The following SMAD4 variants were observed in gnomAD, a reference collection of about 807,000 sequenced individuals.
SMAD4 encodes MAD homolog 4.
SMAD4 carries 7 observed loss-of-function variants against 63.2 expected under a neutral mutation model. The ratio of observed to expected loss-of-function variants is 0.11; its 90% CI spans 0.06 to 0.21. The LOEUF (loss-of-function observed/expected upper bound fraction) is 0.21. Among genes scored for constraint, SMAD4 ranks in the 10% least tolerant of loss-of-function variants. The pLI is 1.00. For synonymous variants in SMAD4, 215 were observed against 235.4 expected (o/e 0.91, Z 0.79); for missense variants, 312 against 693.8 (o/e 0.45, Z 6.18).
In SMAD4 at chr18:51,030,547, G is replaced by C. The variant is rs1364144299; in HGVS notation, c.-204G>C. 6.0e-5 allele frequency: 9 copies of C among 150,454 alleles called. No individual in the cohort carries two copies. The highest frequency in any genetic ancestry group is 1.3e-4 in the Non-Finnish European group (9 of 67,478). 9.3% of individuals were successfully genotyped at this position (150,454 alleles called of 1,614,324 possible). On this transcript the variant is annotated 5_prime_UTR_variant, in exon 1 of 12. Coordinates refer to ENST00000342988, the MANE Select transcript of SMAD4 (RefSeq NM_005359.6). ...GCCGAGGAGCTCTCCGGGCCGCCGGGGAAAGCTACGGGCCCGGTGCGTCCG... is the reference window on the plus strand; with the variant it reads ...GCCGAGGAGCTCTCCGGGCCGCCGGCGAAAGCTACGGGCCCGGTGCGTCCG...
rs1057523970 is a variant in SMAD4 at position 51,054,812 on chromosome 18, T to C, written c.486T>C (p.Tyr162=). ...CAAGTATGATGGTGAAGGATGAATA[T>C]GTGCATGACTTTGAGGGACAGCCAT... ...APSSMMVKDE[Y]VHDFEGQPSL... is the part of the protein sequence containing the mutation. The change falls in exon 5 of 12, where the codon TAT becomes TAC. Residue 162 remains tyrosine (Y), a synonymous_variant. Transcript: ENST00000342988. 6.2e-7 allele frequency: 1 copy of C among 1,613,704 alleles called. No homozygotes were observed. Among genetic ancestry groups the C allele is most frequent in the Non-Finnish European group, 8.5e-7 (1 of 1,179,574 alleles).
chr18:51,062,848 C>CTTAT (rs1366376175), intron 8 of SMAD4, among the ~76,000 whole-genome samples: 70 of 83,596 alleles, frequency 8.4e-4, no homozygotes, highest in African/African-American at 3.0e-3. Context: ...TCTGGCTTTA[C>CTTAT]TTGTTTTTTT....
At chr18:51,051,287 A>T (rs1295151995) in intron 4 of SMAD4, 1 of 449,104 alleles carries the variant, frequency 2.2e-6, no homozygotes, top group Non-Finnish European at 4.5e-6. Flanking sequence ...GTAGGGCTGT[A>T]TTCAGCCTTG....
At chr18:51,038,225 C>A (rs141247594) in intron 1 of SMAD4, among the ~76,000 whole-genome samples, 2 of 142,698 alleles carry the variant, frequency 1.4e-5, no homozygotes, top group Non-Finnish European at 3.0e-5. Context: ...CCACTGCACT[C>A]GGGCCTAGGC....
chr18:51,061,412 A>G (rs529431258), intron 8 of SMAD4, among the ~76,000 whole-genome samples: 1 of 152,050 alleles, frequency 6.6e-6, no homozygotes, highest in African/African-American at 2.4e-5. Flanking sequence ...TATGGGTTCA[A>G]TTGTTTTGAT....
At chr18:51,043,894 C>T (rs1034555189) in intron 1 of SMAD4, among the ~76,000 whole-genome samples, 2 of 152,148 alleles carry the variant, frequency 1.3e-5, no homozygotes, top group African/African-American at 4.8e-5. Context: ...GACAATTCCA[C>T]AGAATAAAAA....
Position 51,047,242 on chromosome 18 carries a change from G to A in SMAD4, c.196G>A (p.Ala66Thr), listed in dbSNP as rs1599181207. The A allele has an allele frequency of 6.2e-7, 1 of 1,613,772 alleles. No homozygotes were observed. Among genetic ancestry groups the A allele is most frequent in the South Asian group, 1.1e-5 (1 of 91,078 alleles). The change falls in exon 2 of 12, where the codon GCT (alanine) becomes ACT (threonine). Residue 66 changes from alanine (A) to threonine (T), a missense_variant. By Grantham distance (58) the Ala-to-Thr change is moderately conservative. Around this residue, in one of 4 missense-constraint regions of SMAD4, gnomAD observed 37 missense variants for 87.3 expected, o/e 0.42. Coordinates refer to ENST00000342988, the MANE Select transcript of SMAD4 (RefSeq NM_005359.6). The stretch of plus-strand genomic sequence containing the variant: ...AATAACAGCTATAACTACAAATGGA[G>A]CTCATCCTAGTAAATGTGTTACCAT... ...SLITAITTNGAHPSKCVTIQR... is the reference protein window; with the variant it reads ...SLITAITTNGTHPSKCVTIQR...
chr18:51,065,658 T>G (rs1387285599), intron 9 of SMAD4, 52 bp downstream of exon 9: 1 of 1,426,936 alleles, frequency 7.0e-7, no homozygotes, highest in Admixed American at 1.8e-5. Context: ...CATAGTACAT[T>G]GTCTTTTATT....
chr18:51,039,922 A>G (rs1909323900), intron 1 of SMAD4, among the ~76,000 whole-genome samples: 2 of 152,148 alleles, frequency 1.3e-5, no homozygotes, highest in South Asian at 2.1e-4. Flanking sequence ...TTATTGCTGT[A>G]TAAATGTGCT....
chr18:51,073,372 TATATATATATATATATACACAC>T (rs1363017705), intron 10 of SMAD4, among the ~76,000 whole-genome samples: 1 of 78,704 alleles, frequency 1.3e-5, no homozygotes, highest in Non-Finnish European at 2.6e-5. Context: ...TATATATATA[TATATATATATATATATACACAC>T]ACACACACAC....
intron 8 of SMAD4, among the ~76,000 whole-genome samples, chr18:51,061,152 C>T (rs1261192623): frequency 1.3e-5 from 2 of 152,066 alleles, no homozygotes; most frequent in Non-Finnish European, 2.9e-5. Context: ...GCATATAATG[C>T]ATGATAATCA....
At chr18:51,067,242 A>C in intron 10 of SMAD4, 55 bp downstream of exon 10, 1 of 993,232 alleles carries the variant, frequency 1.0e-6, no homozygotes, top group Admixed American at 1.8e-5. Context: ...TTGTTGTCAA[A>C]AGAATTGAAA....
intron 10 of SMAD4, among the ~76,000 whole-genome samples, chr18:51,074,966 T>C (rs1910434513): frequency 6.6e-6 from 1 of 152,190 alleles, no homozygotes; most frequent in Admixed American, 6.5e-5. Context: ...CACCTGGGCC[T>C]CCCAAAGTGC....
chr18:51,078,708 T>A lies in SMAD4; in HGVS notation c.*241T>A. On this transcript the variant is annotated 3_prime_UTR_variant, in exon 12 of 12. Coordinates refer to ENST00000342988, the MANE Select transcript of SMAD4 (RefSeq NM_005359.6). ...GAAGATTAGGAGAAACACATTCTTA[T>A]TAATTCTTCACCTGTTATGTATGAA... 1 of 509,574 alleles carries A rather than the reference T, an allele frequency of 2.0e-6. No individual in the cohort carries two copies. Among genetic ancestry groups the A allele is most frequent in the Non-Finnish European group, 3.5e-6 (1 of 285,990 alleles). The allele number at this position is 509,574 out of a possible 1,614,324, so 31.6% of individuals were successfully genotyped here.
At chr18:51,050,078 C>A (rs1420296923) in intron 4 of SMAD4, among the ~76,000 whole-genome samples, 1 of 152,178 alleles carries the variant, frequency 6.6e-6, no homozygotes, top group East Asian at 1.9e-4. Context: ...CCACTGTCAG[C>A]CAGGCACGGT....
chr18:51,041,134 T>G (rs963207751), intron 1 of SMAD4, among the ~76,000 whole-genome samples: 1 of 152,050 alleles, frequency 6.6e-6, no homozygotes, highest in Non-Finnish European at 1.5e-5. Context: ...TCCTAACTGG[T>G]TTTCTATTTC....
rs863224400 is a variant in SMAD4 at position 51,065,526 on chromosome 18, C to T, written c.1059C>T (p.Tyr353=). 6 of 1,613,992 alleles carry T rather than the reference C, an allele frequency of 3.7e-6. No individual in the cohort carries two copies. Among genetic ancestry groups the T allele is most frequent in the Admixed American group, 3.3e-5 (2 of 60,008 alleles). The change falls in exon 9 of 12, where the codon TAC becomes TAT. Residue 353 remains tyrosine (Y), a synonymous_variant. Transcript: ENST00000342988. ...GCCCTATTGTTACTGTTGATGGATACGTGGACCCTTCTGGAGGAGATCGCT... is the reference window on the plus strand; with the variant it reads ...GCCCTATTGTTACTGTTGATGGATATGTGGACCCTTCTGGAGGAGATCGCT... The part of the protein sequence containing the change: ...SSCPIVTVDG[Y]VDPSGGDRFC...
chr18:51,049,472 A>G lies in SMAD4; in HGVS notation c.454+148A>G, dbSNP rs558726006. On this transcript the variant is annotated intron_variant, in intron 4 of 11. Transcript: ENST00000342988. ...CTTTGGAAATGTAGATTTTGAGGTTAGGGGCATTTAAAACTGGATTTAAAA... is the reference window on the plus strand; with the variant it reads ...CTTTGGAAATGTAGATTTTGAGGTTGGGGGCATTTAAAACTGGATTTAAAA... The G allele has an allele frequency of 1.6e-5, 11 of 667,546 alleles. No homozygotes were observed. In the South Asian group the frequency reaches 1.9e-4, roughly 12 times the overall value. 41.4% of individuals were successfully genotyped at this position (667,546 alleles called of 1,614,324 possible). A position where few individuals can be genotyped will look rare whatever the true frequency, so the allele number is the denominator to read the frequency against.
chr18:51,041,923 C>G (rs1909395871), intron 1 of SMAD4, among the ~76,000 whole-genome samples: 1 of 152,170 alleles, frequency 6.6e-6, no homozygotes, highest in Admixed American at 6.5e-5. Flanking sequence ...CCTAGGTTAC[C>G]TATGAACTTT....
Sources: allele counts gnomAD v4.1 joint callset (sites outside exome capture counted in the v4.1 genomes callset), GRCh38; gene constraint gnomAD v4.1.1; regional missense constraint gnomAD v4.1.1; transcripts MANE v1.5; gene names NCBI Gene and HGNC (gene_info 2026-07-23, HGNC 2026-07-21).